WRN: variants seen among roughly 807,000 people sequenced by gnomAD.
WRN encodes WRN RecQ like helicase.
Under a neutral mutation model 180.7 loss-of-function variants are expected in WRN, and 149 were observed. The observed-to-expected ratio is 0.82, with a 90% CI of 0.72 to 0.94. The LOEUF is 0.94. Ranked by LOEUF, WRN falls within the 40% of genes least tolerant of loss-of-function variation. WRN has a pLI of 0.00. For synonymous variants in WRN, 548 were observed against 568.9 expected, an observed-to-expected ratio of 0.96 and a Z score of 0.52; for missense variants, 1,661 against 1,700.1, an observed-to-expected ratio of 0.98 and a Z score of 0.40.
At chr8:31,132,535 T>A in intron 24 of WRN, 29 bp downstream of exon 24, 1 of 1,613,738 alleles carries the variant, frequency 6.2e-7, no homozygotes, top group Non-Finnish European at 8.5e-7. Flanking sequence ...ATTCCCTTCA[T>A]AGATCTTCTT....
intron 3 of WRN, among the ~76,000 whole-genome samples, chr8:31,062,624 G>C (rs1812529899): frequency 6.6e-6 from 1 of 151,900 alleles, no homozygotes. Context: ...ATGTTGCCCA[G>C]GCGGTCTCAA....
rs1295902736 is a variant in WRN, at chr8:31,064,790, T to C, written c.356-125T>C. On this transcript the variant is annotated intron_variant, in intron 4 of 34. Coordinates refer to ENST00000298139, the MANE Select transcript of WRN (RefSeq NM_000553.6). ...TTAGTTAAGAAATACTCAAGGTCAA[T>C]GTGTTTCTGAATTTAAAATTACTGT... The C allele has an allele frequency of 5.3e-6, 6 of 1,141,934 alleles. No individual in the cohort carries two copies. In the South Asian group the frequency reaches 7.1e-5, roughly 14 times the overall value. The allele number at this position is 1,141,934 out of a possible 1,614,324, so 70.7% of individuals were successfully genotyped here.
At chr8:31,044,274 C>G (rs1336099256) in intron 1 of WRN, among the ~76,000 whole-genome samples, 2 of 150,112 alleles carry the variant, frequency 1.3e-5, no homozygotes, top group African/African-American at 4.9e-5. Context: ...ATCTCCTGAC[C>G]TTGTTATCTG....
At chr8:31,056,683 G>A (rs1416480922) in intron 1 of WRN, among the ~76,000 whole-genome samples, 1 of 152,188 alleles carries the variant, frequency 6.6e-6, no homozygotes. Context: ...TAAGCAGTAT[G>A]TGCAAAAACA....
At chr8:31,155,613 C>T (rs1213159275) in intron 32 of WRN, among the ~76,000 whole-genome samples, 3 of 132,886 alleles carry the variant, frequency 2.3e-5, no homozygotes, top group East Asian at 2.1e-4. Context: ...CCGAGCAAGA[C>T]TCGGTCTCCA....
chr8:31,141,455 A>G lies in WRN; in HGVS notation c.2993A>G (p.Tyr998Cys), dbSNP rs1802625349. 1 of 1,614,188 alleles carries G rather than the reference A, an allele frequency of 6.2e-7. No individual in the cohort carries two copies. Among genetic ancestry groups the G allele is most frequent in the Non-Finnish European group, 8.5e-7 (1 of 1,180,040 alleles). The change falls in exon 25 of 35, where the codon TAT (tyrosine) becomes TGT (cysteine). Residue 998 changes from tyrosine to cysteine, a missense_variant. Around this residue, in one of 3 missense-constraint regions of WRN, gnomAD observed 1,141 missense variants for 1,149.4 expected, o/e 0.99. Coordinates refer to ENST00000298139, the MANE Select transcript of WRN (RefSeq NM_000553.6). ...AATTCTCAGCGTCTTGCCGATCAATATCGCAGGCACAGTTTATTTGGCACT... is the reference window on the plus strand; with the variant it reads ...AATTCTCAGCGTCTTGCCGATCAATGTCGCAGGCACAGTTTATTTGGCACT... ...GSNSQRLADQ[Y>C]RRHSLFGTGK...
In WRN at chr8:31,091,711, G is replaced by A. The variant is rs1813752543; in HGVS notation, c.1830-119G>A. 2.0e-5 allele frequency: 21 copies of A among 1,071,284 alleles called. 1 individual carries two copies. In the South Asian group the frequency reaches 2.8e-4, roughly 14 times the overall value. 66.4% of individuals were successfully genotyped at this position (1,071,284 alleles called of 1,614,324 possible). On this transcript the variant is annotated intron_variant, in intron 15 of 34. Transcript: ENST00000298139. The stretch of plus-strand genomic sequence containing the variant: ...TATCAAGTTAGTAAGTGACAAAAAA[G>A]AAAATTGCAAAGAACAGGAATATAA...
At chr8:31,089,841 A>G (rs1459185672) in intron 13 of WRN, among the ~76,000 whole-genome samples, 3 of 152,008 alleles carry the variant, frequency 2.0e-5, no homozygotes, top group Non-Finnish European at 1.5e-5. Flanking sequence ...TTTATCACAT[A>G]TCCATCCATT....
chr8:31,130,029 A>C (rs1282911681), intron 23 of WRN, among the ~76,000 whole-genome samples: 1 of 150,384 alleles, frequency 6.6e-6, no homozygotes, highest in Non-Finnish European at 1.5e-5. Context: ...ACAAAACAAA[A>C]AAAAAAACTA....
At position 31,164,316 on chromosome 8, in the gene WRN, C is replaced by T. The variant is rs374891852; in HGVS notation, c.3983-2706C>T. Among the ~76,000 whole-genome samples the T allele has an allele frequency of 4.5e-4, 68 of 152,128 alleles. No individual in the cohort carries two copies. The South Asian group carries it at 6.6e-3, about 15-fold the overall frequency. ...AATGAGGATATACATACTATAATAACGATTCAGATATGTTATTTTCATATT... is the reference window on the plus strand; with the variant it reads ...AATGAGGATATACATACTATAATAATGATTCAGATATGTTATTTTCATATT... On this transcript the variant is annotated intron_variant, in intron 33 of 34. Transcript: ENST00000298139.
intron 18 of WRN, among the ~76,000 whole-genome samples, chr8:31,103,809 G>A (rs7836651): frequency 0.53 from 80,765 of 151,720 alleles, 21,882 homozygotes; most frequent in South Asian, 0.68. Flanking sequence ...ATCTCGGCTC[G>A]CTGCAAGCTC....
At chr8:31,056,788 A>C (rs1218194701) in intron 1 of WRN, among the ~76,000 whole-genome samples, 1 of 152,226 alleles carries the variant, frequency 6.6e-6, no homozygotes, top group Non-Finnish European at 1.5e-5. Context: ...TAAATTAATA[A>C]ATCCATAATT....
intron 1 of WRN, among the ~76,000 whole-genome samples, chr8:31,042,881 T>C (rs1311050399): frequency 6.6e-6 from 1 of 152,208 alleles, no homozygotes; most frequent in Non-Finnish European, 1.5e-5. Flanking sequence ...TTATCATCAA[T>C]AGGGAATTGT....
At chr8:31,077,458 C>T (rs893779236) in intron 8 of WRN, among the ~76,000 whole-genome samples, 2 of 151,914 alleles carry the variant, frequency 1.3e-5, no homozygotes, top group East Asian at 1.9e-4. Flanking sequence ...TAGCCAGGAT[C>T]GTCTCGATCT....
intron 8 of WRN, among the ~76,000 whole-genome samples, chr8:31,079,507 A>G (rs965462894): frequency 6.6e-6 from 1 of 152,186 alleles, no homozygotes; most frequent in African/African-American, 2.4e-5. Context: ...ACAAATAAAC[A>G]AGACATTGTG....
At chr8:31,122,860 GTTTTTTTTTTTT>G (rs71206298) in intron 21 of WRN, among the ~76,000 whole-genome samples, 11 of 69,482 alleles carry the variant, frequency 1.6e-4, no homozygotes, top group Admixed American at 7.0e-4. Flanking sequence ...TTCTTTTCTT[GTTTTTTTTTTTT>G]TTTTTTTTTT....
chr8:31,172,585 A>G (rs542336569), intron 34 of WRN, among the ~76,000 whole-genome samples: 48 of 152,334 alleles, frequency 3.2e-4, no homozygotes, highest in South Asian at 1.7e-3. Flanking sequence ...GTTAGAAGCT[A>G]TATTCTTTTC....
intron 1 of WRN, among the ~76,000 whole-genome samples, chr8:31,039,230 C>CT (rs1330508346): frequency 6.6e-6 from 1 of 152,120 alleles, no homozygotes; most frequent in East Asian, 1.9e-4. Context: ...TTTGTGTTTT[C>CT]TTTAATTTCT....
chr8:31,111,057 T>C (rs1801294311), intron 18 of WRN, among the ~76,000 whole-genome samples: 1 of 152,182 alleles, frequency 6.6e-6, no homozygotes. Flanking sequence ...ATATATAGTA[T>C]GTTATTGATT....
Sources: allele counts gnomAD v4.1 joint callset (sites outside exome capture counted in the v4.1 genomes callset), GRCh38; gene constraint gnomAD v4.1.1; regional missense constraint gnomAD v4.1.1; transcripts MANE v1.5; gene names NCBI Gene and HGNC (gene_info 2026-07-23, HGNC 2026-07-21).